Variants in ZNF608 observed in about 807,000 individuals in gnomAD.
The protein encoded by ZNF608 is renal carcinoma antigen NY-REN-36.
A neutral mutation model predicts 109.0 loss-of-function variants in ZNF608; 12 were observed. That is an observed-to-expected ratio of 0.11 (90% CI 0.07 to 0.18). ZNF608 has a LOEUF of 0.18. Ranked by LOEUF, ZNF608 falls within the 10% of genes least tolerant of loss-of-function variation. The pLI is 1.00. For synonymous variants in ZNF608, 732 were observed against 717.4 expected (o/e 1.02, Z -0.33); for missense variants, 1,707 against 1,879.3 (o/e 0.91, Z 1.70).
intron 3 of ZNF608, among the ~76,000 whole-genome samples, chr5:124,657,191 C>G (rs1314677806): frequency 6.6e-6 from 1 of 152,060 alleles, no homozygotes; most frequent in Non-Finnish European, 1.5e-5. Flanking sequence ...GAAGAGGGAG[C>G]AGAAATAAGA....
intron 3 of ZNF608, among the ~76,000 whole-genome samples, chr5:124,678,657 T>C (rs970885184): frequency 5.3e-5 from 8 of 152,262 alleles, no homozygotes; most frequent in Admixed American, 1.3e-4. Flanking sequence ...TGCGTGTTAG[T>C]TGATGTGTGT....
chr5:124,690,724 T>G (rs368513425), intron 3 of ZNF608, among the ~76,000 whole-genome samples: 6 of 151,500 alleles, frequency 4.0e-5, no homozygotes, highest in African/African-American at 1.5e-4. Context: ...CTGAATGATC[T>G]GAACTAAAGA....
intron 3 of ZNF608, among the ~76,000 whole-genome samples, chr5:124,664,006 T>C (rs1488959242): frequency 6.6e-6 from 1 of 152,218 alleles, no homozygotes; most frequent in Non-Finnish European, 1.5e-5. Context: ...TTTTAACAAA[T>C]CCTTAATTTT....
intron 3 of ZNF608, among the ~76,000 whole-genome samples, chr5:124,681,031 T>C (rs1285488639): frequency 6.6e-6 from 1 of 152,156 alleles, no homozygotes; most frequent in East Asian, 1.9e-4. Flanking sequence ...CTACATAAAA[T>C]GAGTTCCAGA....
At position 124,744,058 on chromosome 5, in the gene ZNF608, C is replaced by T. The variant is rs1280677222; in HGVS notation, c.906+26G>A. On this transcript the variant is annotated intron_variant, in intron 2 of 9. Transcript: ENST00000513986. This position sits in a 1 kb window ranked among gnomAD's most constrained non-coding sequence, Gnocchi z 4.5. ...CAAATGCACACAGAGGAGAGTAGGA[C>T]ATCTAGGAAGGCGACTTTATCCTAC... 1.9e-6 allele frequency: 3 copies of T among 1,558,910 alleles called. No homozygotes were observed. Among genetic ancestry groups the T allele is most frequent in the South Asian group, 1.2e-5 (1 of 80,722 alleles).
intron 2 of ZNF608, among the ~76,000 whole-genome samples, chr5:124,709,170 CAA>C (rs1156276798): frequency 4.6e-4 from 15 of 32,714 alleles, no homozygotes; most frequent in Admixed American, 1.5e-3. Flanking sequence ...GACTCTGTCT[CAA>C]AAAAAAAAAA....
intron 2 of ZNF608, among the ~76,000 whole-genome samples, 168 bp from the exon 3 acceptor site, chr5:124,701,437 A>G (rs1280882308): frequency 6.6e-6 from 1 of 152,208 alleles, no homozygotes; most frequent in African/African-American, 2.4e-5. Context: ...AATAGAAATG[A>G]GCATTTTGTT....
chr5:124,643,510 C>T lies in ZNF608; in HGVS notation c.4296+1G>A. 1 of 1,613,860 alleles carries T rather than the reference C, an allele frequency of 6.2e-7. No individual in the cohort carries two copies. The highest frequency in any genetic ancestry group is 8.5e-7 in the Non-Finnish European group (1 of 1,179,840). The stretch of plus-strand genomic sequence containing the variant: ...TTAAATAACAACAAAAGGAGGCTTA[C>T]AGCAGGAGACTTGCTGCGGTATTGG... On this transcript the variant is annotated splice_donor_variant, in intron 7 of 9. Transcript: ENST00000513986. LOFTEE classifies it high-confidence loss of function.
chr5:124,712,290 T>C (rs1753527428), intron 2 of ZNF608, among the ~76,000 whole-genome samples: 1 of 152,050 alleles, frequency 6.6e-6, no homozygotes, highest in South Asian at 2.1e-4. Context: ...CTGTTTCAGT[T>C]GGTGACAGTG....
upstream of ZNF608, among the ~76,000 whole-genome samples, chr5:124,747,981 G>C (rs915454423): frequency 6.6e-6 from 1 of 152,246 alleles, no homozygotes; most frequent in Admixed American, 6.5e-5. Context: ...GTTTGTTTGG[G>C]TTGGGTGGGG....
At chr5:124,693,747 C>G (rs1229566742) in intron 3 of ZNF608, among the ~76,000 whole-genome samples, 2 of 152,066 alleles carry the variant, frequency 1.3e-5, no homozygotes, top group Non-Finnish European at 2.9e-5. Context: ...CACAATCACT[C>G]ATCATATCCA....
At chr5:124,740,655 A>C (rs1379911910) in intron 2 of ZNF608, among the ~76,000 whole-genome samples, 1 of 152,234 alleles carries the variant, frequency 6.6e-6, no homozygotes, top group African/African-American at 2.4e-5. Flanking sequence ...AATGAATGAT[A>C]TCCTTTATGG....
rs1750397507 is a variant in ZNF608, at chr5:124,644,388, C to T, written c.3979G>A (p.Gly1327Arg). ...GGTGAGGAGACAGCCACTCTTGTTC[C>T]CCGAGAGTCCTTCCAGTTCACAGGA... ...KTPVNWKDSR[G>R]TRVAVSSPMS... The change falls in exon 6 of 10, where the codon GGA becomes AGA. Residue 1327 changes from glycine (G) to arginine (R), a missense_variant. Gly to Arg is a moderately radical substitution (Grantham distance 125). Coordinates refer to ENST00000513986, the MANE Select transcript of ZNF608 (RefSeq NM_020747.3). 6.2e-7 allele frequency: 1 copy of T among 1,614,074 alleles called. No individual in the cohort carries two copies. Among genetic ancestry groups the T allele is most frequent in the Non-Finnish European group, 8.5e-7 (1 of 1,180,016 alleles).
chr5:124,741,953 C>T lies in ZNF608; in HGVS notation c.906+2131G>A, dbSNP rs571372313. ...AGCCTTTGAGGGGCCCCTGTGCCAA[C>T]TCCAGTGGCTAAGATTGGTGGCACA... On this transcript the variant is annotated intron_variant, in intron 2 of 9. Coordinates refer to ENST00000513986, the MANE Select transcript of ZNF608 (RefSeq NM_020747.3). 4.6e-5 allele frequency among the ~76,000 whole-genome samples: 7 copies of T among 152,300 alleles called. No homozygotes were observed. The South Asian group carries it at 1.5e-3, about 32-fold the overall frequency.
chr5:124,743,990 A>G lies in ZNF608; in HGVS notation c.906+94T>C, dbSNP rs550908892. 194 of 1,484,542 alleles carry G rather than the reference A, an allele frequency of 1.3e-4. No homozygotes were observed. The Middle Eastern group carries it at 2.1e-3, about 16-fold the overall frequency. The allele number at this position is 1,484,542 out of a possible 1,614,324, so 92.0% of individuals were successfully genotyped here. ...GAAATCTCACAAAGAACCAGAAAGC[A>G]TAAAGTGTAAGGCACACAGAGGCAC... is the stretch of plus-strand genomic sequence containing the variant. On this transcript the variant is annotated intron_variant, in intron 2 of 9. Coordinates refer to ENST00000513986, the MANE Select transcript of ZNF608 (RefSeq NM_020747.3).
intron 3 of ZNF608, among the ~76,000 whole-genome samples, chr5:124,683,597 G>C (rs1752289294): frequency 6.6e-6 from 1 of 152,206 alleles, no homozygotes; most frequent in African/African-American, 2.4e-5. Context: ...GTTGCTTCCG[G>C]AAAGTAGAAA....
rs1049237813 is a variant in ZNF608, at chr5:124,713,812, C to T, written c.907-12543G>A. The stretch of plus-strand genomic sequence containing the variant: ...AAGTTAACAGTATGTTGGAACAGGG[C>T]AGGAAGGAAGTGAAAAAGGAAGTAG... On this transcript the variant is annotated intron_variant, in intron 2 of 9. Transcript: ENST00000513986. Among the ~76,000 whole-genome samples the T allele has an allele frequency of 1.8e-4, 27 of 151,972 alleles. 1 individual carries two copies. The highest frequency in any genetic ancestry group is 1.6e-3 in the Admixed American group (24 of 15,254).
At chr5:124,677,843 C>T (rs1002083568) in intron 3 of ZNF608, among the ~76,000 whole-genome samples, 2 of 152,070 alleles carry the variant, frequency 1.3e-5, no homozygotes, top group African/African-American at 2.4e-5. Context: ...ACACAGAGCA[C>T]GAACACCACC....
At chr5:124,730,546 C>T (rs951633406) in intron 2 of ZNF608, among the ~76,000 whole-genome samples, 2 of 152,214 alleles carry the variant, frequency 1.3e-5, no homozygotes, top group Non-Finnish European at 2.9e-5. Context: ...GAATTTATAG[C>T]AGGCTTACGG....
Sources: gnomAD v4.1 joint callset for allele counts (sites outside exome capture counted in the v4.1 genomes callset) on GRCh38, gnomAD v4.1.1 for gene constraint, Gnocchi (gnomAD v3.1) non-coding constraint, MANE v1.5 for transcripts, NCBI Gene and HGNC (gene_info 2026-07-23, HGNC 2026-07-21) for gene names.